The following ARHGAP22 variants were observed in gnomAD, a reference collection of about 807,000 sequenced individuals.
ARHGAP22 encodes the protein rho GTPase-activating protein 22.
In ARHGAP22, 48 loss-of-function variants were observed where a neutral mutation model predicts 59.1. The observed-to-expected ratio is 0.81, with a 90% CI of 0.64 to 1.03. ARHGAP22 has a LOEUF of 1.03. Among genes scored for constraint, ARHGAP22 ranks in the 50% least tolerant of loss-of-function variants. The pLI is 0.00. For synonymous variants in ARHGAP22, 445 were observed against 416.4 expected (o/e 1.07, Z -0.84); for missense variants, 1,015 against 958.7 (o/e 1.06, Z -0.78).
intron 3 of ARHGAP22, among the ~76,000 whole-genome samples, chr10:48,515,059 A>T (rs1239821241): frequency 1.3e-5 from 2 of 152,198 alleles, no homozygotes; most frequent in African/African-American, 4.8e-5. Flanking sequence ...ATAGAAAACA[A>T]ATTCCAAAGT....
intron 4 of ARHGAP22, among the ~76,000 whole-genome samples, chr10:48,471,799 T>C (rs1028170808): frequency 6.6e-6 from 1 of 152,222 alleles, no homozygotes; most frequent in Non-Finnish European, 1.5e-5. Context: ...CAAATTCATC[T>C]CCAGCTCCCC....
At chr10:48,530,541 G>C (rs951625337) in intron 3 of ARHGAP22, among the ~76,000 whole-genome samples, 5 of 152,114 alleles carry the variant, frequency 3.3e-5, no homozygotes, top group African/African-American at 1.2e-4. Context: ...CTAACATCCA[G>C]AATCTAAAAA....
At chr10:48,447,128 C>T (rs116468966) in intron 9 of ARHGAP22, among the ~76,000 whole-genome samples, 1,813 of 152,348 alleles carry the variant, frequency 0.012, 47 homozygotes, top group South Asian at 0.11. Context: ...ATGTTCAGCT[C>T]AAGCGCCCCC....
chr10:48,653,897 T>G (rs560750076), upstream of ARHGAP22, among the ~76,000 whole-genome samples: 4 of 152,350 alleles, frequency 2.6e-5, no homozygotes, highest in East Asian at 7.7e-4. Flanking sequence ...TGTAACTGTG[T>G]TCTAAATATT....
rs574504638 is a variant in ARHGAP22 at position 48,640,509 on chromosome 10, C to G, written c.52+11725G>C. Among the ~76,000 whole-genome samples the G allele has an allele frequency of 2.0e-5, 3 of 152,244 alleles. No homozygotes were observed. The East Asian group carries it at 5.8e-4, about 29-fold the overall frequency. ...ATGTCTTGTCACATGAAAGGGAGTACTGATGCAATTAACAGTTGCCTTGTC... is the reference window on the plus strand; with the variant it reads ...ATGTCTTGTCACATGAAAGGGAGTAGTGATGCAATTAACAGTTGCCTTGTC... On this transcript the variant is annotated intron_variant, in intron 1 of 9. Coordinates refer to the ARHGAP22 transcript ENST00000435790.
At chr10:48,445,452 C>T (rs1008721553), downstream of ARHGAP22, 2 of 152,516 alleles carry the variant, frequency 1.3e-5, no homozygotes, top group Non-Finnish European at 2.9e-5. Flanking sequence ...TGGGCCTGGC[C>T]TGGGTGCCCT....
chr10:48,627,690 G>A (rs558890698), intron 1 of ARHGAP22, among the ~76,000 whole-genome samples: 16 of 152,284 alleles, frequency 1.1e-4, no homozygotes, highest in Non-Finnish European at 2.4e-4. Context: ...TTTTAGTTTC[G>A]AATTTCAGTC....
At chr10:48,647,674 A>T (rs914835474) in intron 1 of ARHGAP22, among the ~76,000 whole-genome samples, 1 of 152,228 alleles carries the variant, frequency 6.6e-6, no homozygotes, top group Non-Finnish European at 1.5e-5. Flanking sequence ...ATTAAAAAAT[A>T]AACCTACCAT....
At chr10:48,598,296 C>A (rs971851807) in intron 1 of ARHGAP22, among the ~76,000 whole-genome samples, 3 of 152,218 alleles carry the variant, frequency 2.0e-5, no homozygotes, top group African/African-American at 7.2e-5. Flanking sequence ...CAGCCACCTT[C>A]ATCTCCTGGC....
intron 1 of ARHGAP22, among the ~76,000 whole-genome samples, chr10:48,651,066 G>A (rs1286643372): frequency 6.6e-6 from 1 of 152,182 alleles, no homozygotes; most frequent in Non-Finnish European, 1.5e-5. Context: ...ACTATATCCT[G>A]AACCTGGTAG....
At chr10:48,519,510 G>A (rs540814606) in intron 3 of ARHGAP22, among the ~76,000 whole-genome samples, 24 of 152,210 alleles carry the variant, frequency 1.6e-4, no homozygotes, top group Non-Finnish European at 1.5e-4. Context: ...CCAGCCAGCA[G>A]GTGAGCTCAA....
chr10:48,447,110 C>T (rs896319682), intron 9 of ARHGAP22, among the ~76,000 whole-genome samples: 6 of 152,174 alleles, frequency 3.9e-5, no homozygotes, highest in African/African-American at 1.4e-4. Context: ...CCTTCCTGCT[C>T]TCCCGTCATG....
intron 3 of ARHGAP22, among the ~76,000 whole-genome samples, chr10:48,526,117 C>A (rs559960135): frequency 6.6e-6 from 1 of 152,168 alleles, no homozygotes; most frequent in African/African-American, 2.4e-5. Context: ...TCCCTCCCTA[C>A]CACAATTCCA....
At chr10:48,579,009 C>T (rs1264938650) in intron 2 of ARHGAP22, among the ~76,000 whole-genome samples, 2 of 151,988 alleles carry the variant, frequency 1.3e-5, no homozygotes, top group Non-Finnish European at 2.9e-5. Context: ...ATGAATCTAA[C>T]CTATTCATGT....
intron 2 of ARHGAP22, among the ~76,000 whole-genome samples, chr10:48,578,763 A>G (rs2058924136): frequency 6.6e-6 from 1 of 152,144 alleles, no homozygotes; most frequent in Admixed American, 6.5e-5. Context: ...GGAGCATAAA[A>G]GTTCACAGCT....
chr10:48,554,630 G>A (rs184468621), intron 3 of ARHGAP22, among the ~76,000 whole-genome samples: 8 of 152,170 alleles, frequency 5.3e-5, no homozygotes, highest in East Asian at 3.9e-4. Flanking sequence ...TAGAAATGTC[G>A]GTTACTCCCC....
At chr10:48,563,624 C>T (rs2057856818) in intron 2 of ARHGAP22, among the ~76,000 whole-genome samples, 1 of 152,088 alleles carries the variant, frequency 6.6e-6, no homozygotes, top group Non-Finnish European at 1.5e-5. Context: ...TTTCGGGGAG[C>T]CATTATTCTA....
At chr10:48,483,968 G>C (rs190224754) in intron 3 of ARHGAP22, among the ~76,000 whole-genome samples, 26 of 152,276 alleles carry the variant, frequency 1.7e-4, no homozygotes, top group Non-Finnish European at 3.8e-4. Flanking sequence ...ACATCCTGGA[G>C]TCTTTCCCTC....
intron 1 of ARHGAP22, among the ~76,000 whole-genome samples, chr10:48,586,729 G>A (rs547951473): frequency 1.3e-5 from 2 of 152,320 alleles, no homozygotes; most frequent in African/African-American, 4.8e-5. Flanking sequence ...TGTCTTAGCT[G>A]TTCTGATTTT....
Sources: allele counts gnomAD v4.1 joint callset (sites outside exome capture counted in the v4.1 genomes callset), GRCh38; gene constraint gnomAD v4.1.1; transcripts MANE v1.5; gene names NCBI Gene and HGNC (gene_info 2026-07-23, HGNC 2026-07-21).